Variants in BCAS4 observed in about 807,000 individuals in gnomAD.
BCAS4 encodes breast carcinoma amplified sequence 4, also known as breast carcinoma-amplified sequence 4.
Under a neutral mutation model 15.7 loss-of-function variants are expected in BCAS4, and 9 were observed. The ratio of observed to expected loss-of-function variants is 0.57; its 90% CI spans 0.34 to 1.00. BCAS4 has a LOEUF of 1.00. BCAS4 is among the 50% of genes least tolerant of loss of function. The pLI, the probability that BCAS4 is intolerant of heterozygous loss-of-function variation, is 0.02. For synonymous variants in BCAS4, 101 were observed against 99.5 expected (o/e 1.02, Z -0.09); for missense variants, 225 against 239.1 (o/e 0.94, Z 0.39).
chr20:50,879,187 C>T (rs1044244213), downstream of BCAS4: 2 of 152,352 alleles, frequency 1.3e-5, no homozygotes, highest in East Asian at 3.9e-4. Flanking sequence ...CTTGGACACT[C>T]TGCATGCCCC....
At chr20:50,855,003 G>A (rs945486288) in intron 4 of BCAS4, among the ~76,000 whole-genome samples, 7 of 152,192 alleles carry the variant, frequency 4.6e-5, no homozygotes, top group African/African-American at 1.7e-4. Context: ...CTCAGGGGTG[G>A]CCGGGTTCGT....
chr20:50,873,428 A>T (rs1384199167), intron 4 of BCAS4, among the ~76,000 whole-genome samples: 2 of 152,150 alleles, frequency 1.3e-5, no homozygotes, highest in African/African-American at 4.8e-5. Context: ...GTCTTTTCAG[A>T]TCACAGAACA....
At chr20:50,873,177 C>A (rs758014508) in intron 4 of BCAS4, among the ~76,000 whole-genome samples, 3 of 152,230 alleles carry the variant, frequency 2.0e-5, no homozygotes, top group Non-Finnish European at 4.4e-5. Flanking sequence ...TCTCGCCACT[C>A]CCTCTCCTTG....
At chr20:50,837,020 T>C (rs1345666598) in intron 3 of BCAS4, among the ~76,000 whole-genome samples, 1 of 152,182 alleles carries the variant, frequency 6.6e-6, no homozygotes, top group East Asian at 1.9e-4. Flanking sequence ...CAAAAACTAG[T>C]ACTTTTGAAT....
intron 1 of BCAS4, among the ~76,000 whole-genome samples, chr20:50,815,737 G>A (rs571878664): frequency 5.0e-4 from 76 of 152,154 alleles, no homozygotes; most frequent in Non-Finnish European, 9.6e-4. Flanking sequence ...TTTTGTTGTG[G>A]TGGAGATGGC....
intron 4 of BCAS4, among the ~76,000 whole-genome samples, chr20:50,849,417 G>A (rs895617456): frequency 4.6e-5 from 7 of 152,198 alleles, no homozygotes; most frequent in Non-Finnish European, 7.4e-5. Flanking sequence ...TGGGGAGACC[G>A]TGCTTGCTGA....
Position 50,841,796 on chromosome 20 carries a change from G to A in BCAS4, c.295G>A (p.Ala99Thr), listed in dbSNP as rs915224056. Reference protein sequence around the residue: ...AFVKMVGHHVAFLEADVLQAE... With the variant: ...AFVKMVGHHVTFLEADVLQAE... The stretch of plus-strand genomic sequence containing the variant: ...CGTCAAGATGGTTGGACACCACGTC[G>A]CCTTCCTGGAAGCAGACGTGCTTCA... The change falls in exon 4 of 5, where the codon GCC becomes ACC. Residue 99 changes from alanine to threonine, a missense_variant. Transcript: ENST00000371608. The A allele has an allele frequency of 6.8e-6, 11 of 1,613,806 alleles. No homozygotes were observed. The highest frequency in any genetic ancestry group is 1.6e-4 in the Middle Eastern group (1 of 6,084).
At chr20:50,882,410 TAA>T in the BCAS4 span, 1 of 152,214 alleles carries the variant, frequency 6.6e-6, no homozygotes, top group African/African-American at 2.4e-5. Flanking sequence ...AAAAATGGGT[TAA>T]GAGTTCTTTA....
intron 4 of BCAS4, chr20:50,846,607 C>CTTTTTT (rs144685124): frequency 2.9e-5 from 2 of 69,784 alleles, no homozygotes; most frequent in Admixed American, 2.0e-4. Context: ...GTCTCTCTCT[C>CTTTTTT]TTTTTTTTTT....
intron 1 of BCAS4, among the ~76,000 whole-genome samples, chr20:50,804,643 G>T (rs1444824800): frequency 6.6e-6 from 1 of 152,242 alleles, no homozygotes; most frequent in African/African-American, 2.4e-5. Flanking sequence ...GTTTAGGGCA[G>T]TATGGCCATA....
At chr20:50,827,619 C>T (rs1237939486) in intron 2 of BCAS4, among the ~76,000 whole-genome samples, 1 of 152,200 alleles carries the variant, frequency 6.6e-6, no homozygotes, top group Non-Finnish European at 1.5e-5. Flanking sequence ...TGGGTAAGCC[C>T]CATCTCATCC....
rs2088327800 is a variant in BCAS4, at chr20:50,830,290, T to TA, written c.175dup (p.Thr59AsnfsTer13). 1 of 1,613,734 alleles carries TA rather than the reference T, an allele frequency of 6.2e-7. No homozygotes were observed. Among genetic ancestry groups the TA allele is most frequent in the Non-Finnish European group, 8.5e-7 (1 of 1,179,674 alleles). ...TTTGTTCCTTGCAGATCAGGAGTGA[T>TA]ACTTCACAGATCCTGGAGGAAAACA... On this transcript the variant is annotated frameshift_variant, in exon 3 of 5. Transcript: ENST00000371608. LOFTEE classifies it high-confidence loss of function.
chr20:50,799,683 C>T (rs755677818), intron 1 of BCAS4, among the ~76,000 whole-genome samples: 4 of 152,168 alleles, frequency 2.6e-5, no homozygotes, highest in African/African-American at 4.8e-5. Context: ...TCGGTATGTG[C>T]CAAGTCTTTC....
At chr20:50,809,388 T>C (rs1216960602) in intron 1 of BCAS4, among the ~76,000 whole-genome samples, 1 of 152,092 alleles carries the variant, frequency 6.6e-6, no homozygotes, top group Non-Finnish European at 1.5e-5. Context: ...TTTTGTATTT[T>C]AGTAGAGACG....
At chr20:50,870,179 A>G (rs994972917) in intron 4 of BCAS4, among the ~76,000 whole-genome samples, 37 of 152,214 alleles carry the variant, frequency 2.4e-4, no homozygotes, top group African/African-American at 8.7e-4. Flanking sequence ...TGCAAAGCCT[A>G]AAATATTTAC....
chr20:50,849,984 A>C (rs1978330770), intron 4 of BCAS4, among the ~76,000 whole-genome samples: 1 of 152,166 alleles, frequency 6.6e-6, no homozygotes, highest in African/African-American at 2.4e-5. Context: ...TAAAAATAAT[A>C]AAACTGTGTT....
chr20:50,816,942 C>T (rs1476004133), intron 1 of BCAS4, among the ~76,000 whole-genome samples: 3 of 151,564 alleles, frequency 2.0e-5, no homozygotes, highest in Admixed American at 2.0e-4. Flanking sequence ...GTAGCTGGGA[C>T]TACAGGTGTG....
chr20:50,870,088 C>G (rs1979559160), intron 4 of BCAS4, among the ~76,000 whole-genome samples: 1 of 152,204 alleles, frequency 6.6e-6, no homozygotes, highest in South Asian at 2.1e-4. Context: ...GGCACACAGC[C>G]ATGCCTTCTG....
intron 4 of BCAS4, 39 bp from the exon 5 acceptor site, chr20:50,876,447 T>A: frequency 6.2e-7 from 1 of 1,607,776 alleles, no homozygotes; most frequent in Non-Finnish European, 8.5e-7. Context: ...AACAAGTGGA[T>A]CCAAATCGCT....
Sources: gnomAD v4.1 joint callset for allele counts (sites outside exome capture counted in the v4.1 genomes callset) on GRCh38, gnomAD v4.1.1 for gene constraint, MANE v1.5 for transcripts, NCBI Gene and HGNC (gene_info 2026-07-23, HGNC 2026-07-21) for gene names.